Variants in AADAT observed in about 807,000 individuals in gnomAD.
AADAT encodes kynurenine/alpha-aminoadipate aminotransferase, mitochondrial.
In AADAT, 25 loss-of-function variants were observed where a neutral mutation model predicts 56.2. The ratio of observed to expected loss-of-function variants is 0.44; its 90% CI spans 0.32 to 0.62. The LOEUF (loss-of-function observed/expected upper bound fraction) is 0.62. Among genes scored for constraint, AADAT ranks in the 20% least tolerant of loss-of-function variants. AADAT has a pLI of 0.04. For missense variants in AADAT, 387 were observed against 510.5 expected (o/e 0.76, Z 2.33); for synonymous variants, 173 against 164.7 (o/e 1.05, Z -0.39).
At chr4:170,062,502 A>C (rs1731242602) in intron 11 of AADAT, among the ~76,000 whole-genome samples, 1 of 152,224 alleles carries the variant, frequency 6.6e-6, no homozygotes, top group Admixed American at 6.5e-5. Flanking sequence ...GCATTCAAAG[A>C]ACTGAAAGGA....
Position 170,075,436 on chromosome 4 carries a change from G to A in AADAT, c.445-2091C>T, listed in dbSNP as rs1731984943. ...TGTAACACCATGCTCCTGGGCTCAA[G>A]CAATCCTTACACCTCAGTCTTCTGC... is the stretch of plus-strand genomic sequence containing the variant. On this transcript the variant is annotated intron_variant, in intron 4 of 12. Transcript: ENST00000337664. 2.0e-5 allele frequency among the ~76,000 whole-genome samples: 3 copies of A among 152,268 alleles called. No individual in the cohort carries two copies. The South Asian group carries it at 6.2e-4, about 32-fold the overall frequency.
Position 170,070,637 on chromosome 4 carries a change from C to T in AADAT, c.670G>A (p.Asp224Asn). 1 of 1,576,134 alleles carries T rather than the reference C, an allele frequency of 6.3e-7. No homozygotes were observed. The highest frequency in any genetic ancestry group is 8.7e-7 in the Non-Finnish European group (1 of 1,152,340). ...GGATCATCTTCTATTATGAGGAAAT[C>T]ATATTTTCTTGCAAGCTAAAAAAGG... ...KEIYELARKY[D>N]FLIIEDDPYY... The change falls in exon 6 of 13, where the codon GAT becomes AAT. Residue 224 changes from aspartate (D) to asparagine (N), a missense_variant. Transcript: ENST00000337664.
rs546783326 is a variant in AADAT, at chr4:170,074,035, T to C, written c.445-690A>G. On this transcript the variant is annotated intron_variant, in intron 4 of 12. Coordinates refer to ENST00000337664, the MANE Select transcript of AADAT (RefSeq NM_016228.4). ...ATGTTTCAGATAGAGATTGCTTCTG[T>C]CAATCTGGGGCTTAGAAGAAAGATG... is the stretch of plus-strand genomic sequence containing the variant. 1.1e-4 allele frequency among the ~76,000 whole-genome samples: 17 copies of C among 152,266 alleles called. No individual in the cohort carries two copies. The South Asian group carries it at 3.5e-3, about 32-fold the overall frequency.
chr4:170,091,312 C>T (rs1170007608), upstream of AADAT, among the ~76,000 whole-genome samples: 4 of 152,076 alleles, frequency 2.6e-5, no homozygotes, highest in East Asian at 1.9e-4. Context: ...CTTGGCGGGC[C>T]GGCACTCAGA....
intron 10 of AADAT, among the ~76,000 whole-genome samples, chr4:170,065,040 G>C (rs1468801587): frequency 6.6e-6 from 1 of 152,174 alleles, no homozygotes; most frequent in African/African-American, 2.4e-5. Context: ...GAGGGAAGAA[G>C]GGAGGGGTAG....
upstream of AADAT, among the ~76,000 whole-genome samples, chr4:170,090,866 T>C (rs1732795018): frequency 6.6e-6 from 1 of 152,232 alleles, no homozygotes; most frequent in Non-Finnish European, 1.5e-5. Context: ...GATTCATTCA[T>C]TCAGCACAAA....
chr4:170,089,164 G>A (rs376887171), intron 1 of AADAT: 13 of 288,508 alleles, frequency 4.5e-5, no homozygotes, highest in African/African-American at 2.0e-4. Context: ...AAGGCAGAGG[G>A]ATCAGAAAGA....
chr4:170,071,217 G>A (rs1194538778), intron 5 of AADAT, among the ~76,000 whole-genome samples: 1 of 152,182 alleles, frequency 6.6e-6, no homozygotes, highest in Non-Finnish European at 1.5e-5. Context: ...CCAGCTAGAT[G>A]GGTGGCTTTT....
At chr4:170,068,335 A>G (rs1207725148) in intron 8 of AADAT, among the ~76,000 whole-genome samples, 1 of 152,006 alleles carries the variant, frequency 6.6e-6, no homozygotes, top group Non-Finnish European at 1.5e-5. Context: ...TTGCAACCTG[A>G]GAGGTTGTGT....
At chr4:170,093,999 A>T (rs951993289), upstream of AADAT, among the ~76,000 whole-genome samples, 2 of 152,202 alleles carry the variant, frequency 1.3e-5, no homozygotes, top group Non-Finnish European at 2.9e-5. Flanking sequence ...GAGCTGTGAG[A>T]GCATCAAATC....
intron 1 of AADAT, chr4:170,089,199 G>A (rs1363658607): frequency 6.7e-5 from 23 of 341,738 alleles, no homozygotes; most frequent in Non-Finnish European, 1.2e-4. Context: ...AATAGCAGAA[G>A]CCCTCCTCCA....
chr4:170,061,960 C>T lies in AADAT; in HGVS notation c.1168G>A (p.Asp390Asn), dbSNP rs139598358. The change falls in exon 12 of 13, where the codon GAT (aspartate) becomes AAT (asparagine). Residue 390 changes from aspartate (D) to asparagine (N), a missense_variant. Asp to Asn is a conservative substitution (Grantham distance 23, BLOSUM62 1). Coordinates refer to ENST00000337664, the MANE Select transcript of AADAT (RefSeq NM_016228.4). ...LMLPGNAFYV[D>N]SSAPSPYLRA... ...AAGTAAGGGCTAGGAGCTGAGCTATCGACGTAGAAAGCATTTCCAGGGAGC... is the reference window on the plus strand; with the variant it reads ...AAGTAAGGGCTAGGAGCTGAGCTATTGACGTAGAAAGCATTTCCAGGGAGC... 19 of 1,612,756 alleles carry T rather than the reference C, an allele frequency of 1.2e-5. No individual in the cohort carries two copies. The highest frequency in any genetic ancestry group is 5.3e-5 in the African/African-American group (4 of 74,822).
rs777046313 is a variant in AADAT at position 170,088,528 on chromosome 4, G to A, written c.104C>T (p.Ser35Phe). 8 of 1,613,114 alleles carry A rather than the reference G, an allele frequency of 5.0e-6. No homozygotes were observed. Among genetic ancestry groups the A allele is most frequent in the African/African-American group, 2.7e-5 (2 of 74,892 alleles). ...TGGATTTGGTAAGCCACCAGCCAAG[G>A]AGATCATCGATTTTGGTCCTCTGCT... ...ILSRGPKSMISLAGGLPNPNM... is the reference protein window; with the variant it reads ...ILSRGPKSMIFLAGGLPNPNM... The change falls in exon 2 of 13, where the codon TCC (serine) becomes TTC (phenylalanine). Residue 35 changes from serine to phenylalanine, a missense_variant. Physicochemically the swap from Ser to Phe is radical, Grantham distance 155. Transcript: ENST00000337664.
chr4:170,092,174 C>G (rs533200389), upstream of AADAT, among the ~76,000 whole-genome samples: 2 of 152,238 alleles, frequency 1.3e-5, no homozygotes, highest in African/African-American at 4.8e-5. Flanking sequence ...CGGTAACCCG[C>G]TTGGATACTT....
At chr4:170,080,387 C>T (rs1181889749) in intron 3 of AADAT, among the ~76,000 whole-genome samples, 1 of 152,060 alleles carries the variant, frequency 6.6e-6, no homozygotes, top group East Asian at 1.9e-4. Flanking sequence ...TTGAGGTGGC[C>T]AAGAGTTTTC....
chr4:170,091,325 G>C (rs1011066489), upstream of AADAT, among the ~76,000 whole-genome samples: 1 of 152,114 alleles, frequency 6.6e-6, no homozygotes, highest in Non-Finnish European at 1.5e-5. Flanking sequence ...CACTCAGAGC[G>C]GCGGGCCGGC....
At chr4:170,063,761 C>G (rs1451417173) in intron 11 of AADAT, among the ~76,000 whole-genome samples, 4 of 152,114 alleles carry the variant, frequency 2.6e-5, no homozygotes, top group East Asian at 3.9e-4. Flanking sequence ...TCTTATGATT[C>G]AAGACAAAAG....
chr4:170,071,639 G>A (rs929085819), intron 5 of AADAT, among the ~76,000 whole-genome samples: 1 of 152,188 alleles, frequency 6.6e-6, no homozygotes, highest in Non-Finnish European at 1.5e-5. Context: ...CATTTCTGCA[G>A]GGACAGATGT....
At chr4:170,072,569 T>C (rs1186246664) in intron 5 of AADAT, among the ~76,000 whole-genome samples, 8 of 152,202 alleles carry the variant, frequency 5.3e-5, no homozygotes, top group Admixed American at 5.2e-4. Context: ...AAGCTATTTG[T>C]AGTGAAAGGT....
Sources: allele counts gnomAD v4.1 joint callset (sites outside exome capture counted in the v4.1 genomes callset), GRCh38; gene constraint gnomAD v4.1.1; transcripts MANE v1.5; gene names NCBI Gene and HGNC (gene_info 2026-07-23, HGNC 2026-07-21).